The following SAMHD1 variants were observed in gnomAD, a reference collection of about 807,000 sequenced individuals.
SAMHD1 encodes deoxynucleoside triphosphate triphosphohydrolase SAMHD1.
Under a neutral mutation model 79.6 loss-of-function variants are expected in SAMHD1, and 54 were observed. That is an observed-to-expected ratio of 0.68 (90% CI 0.55 to 0.85). The LOEUF (loss-of-function observed/expected upper bound fraction) is 0.85. Among genes scored for constraint, SAMHD1 ranks in the 40% least tolerant of loss-of-function variants. The pLI, the probability that SAMHD1 is intolerant of heterozygous loss-of-function variation, is 0.00. For synonymous variants in SAMHD1, 260 were observed against 264.1 expected, an observed-to-expected ratio of 0.98 and a Z score of 0.15; for missense variants, 663 against 782.7, an observed-to-expected ratio of 0.85 and a Z score of 1.82.
At chr20:36,893,286 T>C (rs1990125300) in intron 15 of SAMHD1, 1 of 602,972 alleles carries the variant, frequency 1.7e-6, no homozygotes, top group Non-Finnish European at 2.9e-6. Context: ...AAACAGCCAC[T>C]GGCCTCTGCA....
chr20:36,923,415 C>T (rs1468384414), intron 6 of SAMHD1, among the ~76,000 whole-genome samples: 1 of 151,910 alleles, frequency 6.6e-6, no homozygotes, highest in African/African-American at 2.4e-5. Flanking sequence ...GGGCAAGACC[C>T]TCTCTCAAAA....
At chr20:36,946,255 T>C (rs1351961178) in intron 2 of SAMHD1, among the ~76,000 whole-genome samples, 1 of 151,282 alleles carries the variant, frequency 6.6e-6, no homozygotes, top group Non-Finnish European at 1.5e-5. Flanking sequence ...TACCAAAAAA[T>C]ACAAAAAAGT....
chr20:36,930,883 G>A lies in SAMHD1; in HGVS notation c.510-8C>T. ...CCTGCTAGATACCCCACCCTGCAGA[G>A]CAAAAACACAAAAAGTCACTTTTCT... On this transcript the variant is annotated splice_polypyrimidine_tract_variant and splice_region_variant and intron_variant, in intron 4 of 15. Coordinates refer to ENST00000646673, the MANE Select transcript of SAMHD1 (RefSeq NM_015474.4). 1.3e-6 allele frequency: 2 copies of A among 1,589,810 alleles called. No individual in the cohort carries two copies. The highest frequency in any genetic ancestry group is 1.1e-5 in the South Asian group (1 of 90,572).
chr20:36,945,781 C>T (rs2063681834), intron 2 of SAMHD1, among the ~76,000 whole-genome samples: 1 of 151,714 alleles, frequency 6.6e-6, no homozygotes, highest in South Asian at 2.1e-4. Flanking sequence ...CATGGTGGTG[C>T]ATGCCTGTAA....
chr20:36,946,990 C>G, intron 1 of SAMHD1, 186 bp from the exon 2 acceptor site: 1 of 453,836 alleles, frequency 2.2e-6, no homozygotes, highest in Non-Finnish European at 3.9e-6. Context: ...ATAACTAAAC[C>G]AAGAAGCATT....
At position 36,892,986 on chromosome 20, in the gene SAMHD1, G is replaced by C. The variant is rs1194588833; in HGVS notation, c.1827C>G (p.Arg609=). The C allele has an allele frequency of 2.5e-6, 4 of 1,614,054 alleles. No homozygotes were observed. Among genetic ancestry groups the C allele is most frequent in the Non-Finnish European group, 3.4e-6 (4 of 1,180,020 alleles). The stretch of plus-strand genomic sequence containing the variant: ...CTCTGCTTTTGGATGCTTCTCGGAG[G>C]CGAGTTGGATTTTGGACTGAAGTAC... ...NDSTSVQNPT[R]LREASKSRVQ... The change falls in exon 16 of 16, where the codon CGC becomes CGG. Residue 609 remains arginine, a synonymous_variant. Transcript: ENST00000646673.
chr20:36,898,030 T>A (rs1234205996), intron 14 of SAMHD1, 71 bp from the exon 15 acceptor site: 16 of 1,567,732 alleles, frequency 1.0e-5, no homozygotes, highest in Non-Finnish European at 1.2e-5. Context: ...GTCCCTAGGC[T>A]CCTAACTATT....
intron 13 of SAMHD1, among the ~76,000 whole-genome samples, chr20:36,900,734 CTT>C (rs777039974): frequency 4.9e-5 from 7 of 143,516 alleles, no homozygotes; most frequent in Admixed American, 7.0e-5. Flanking sequence ...GCCTGGCTCA[CTT>C]TTTTTTTTTT....
chr20:36,894,118 T>C (rs1990148425), intron 15 of SAMHD1: 1 of 395,922 alleles, frequency 2.5e-6, no homozygotes, highest in Admixed American at 4.4e-5. Flanking sequence ...TGAATCACTG[T>C]CCTCTATGCT....
chr20:36,896,207 C>G (rs1990195244), intron 15 of SAMHD1, among the ~76,000 whole-genome samples: 1 of 151,810 alleles, frequency 6.6e-6, no homozygotes, highest in South Asian at 2.1e-4. Context: ...CTCCTGACCT[C>G]GTGATCCGCC....
intron 15 of SAMHD1, chr20:36,893,783 C>T (rs1272225980): frequency 2.5e-6 from 1 of 397,482 alleles, no homozygotes; most frequent in Non-Finnish European, 4.4e-6. Flanking sequence ...TCGTGCTCCT[C>T]ATCTGCTTAT....
chr20:36,903,710 C>T (rs1278420594), intron 13 of SAMHD1, among the ~76,000 whole-genome samples: 4 of 151,900 alleles, frequency 2.6e-5, no homozygotes, highest in Non-Finnish European at 4.4e-5. Context: ...CCACCAAGCC[C>T]GGCTAATTTT....
intron 12 of SAMHD1, chr20:36,904,724 A>T (rs2063395529): frequency 5.7e-6 from 1 of 175,414 alleles, no homozygotes; most frequent in East Asian, 1.5e-4. Flanking sequence ...CTAAAAACAA[A>T]CAAACAAACA....
At chr20:36,897,723 C>T (rs568579682) in intron 15 of SAMHD1, 99 bp downstream of exon 15, 2 of 1,336,848 alleles carry the variant, frequency 1.5e-6, no homozygotes, top group Non-Finnish European at 1.1e-6. Context: ...AACCAAATGA[C>T]TATAACTTAA....
At chr20:36,917,244 GTA>G in intron 7 of SAMHD1, 195 bp from the exon 8 acceptor site, 1 of 595,698 alleles carries the variant, frequency 1.7e-6, no homozygotes, top group Non-Finnish European at 3.0e-6. Flanking sequence ...AAATGCTAAG[GTA>G]TATGATACCC....
In SAMHD1 at chr20:36,927,183, GTCCATTTCACC is replaced by G; in HGVS notation, c.684_694del (p.Glu228AspfsTer3). 6.2e-7 allele frequency: 1 copy of G among 1,610,894 alleles called. No homozygotes were observed. Among genetic ancestry groups the G allele is most frequent in the Non-Finnish European group, 8.5e-7 (1 of 1,177,224 alleles). On this transcript the variant is annotated frameshift_variant and splice_region_variant, in exon 6 of 16. Transcript: ENST00000646673. LOFTEE classifies it high-confidence loss of function. ...ACTATTGACTGTATGAATACATACC[GTCCATTTCACC>G]TCCGGGCGAGCAAGTGGAATAAATC...
intron 12 of SAMHD1, 22 bp from the exon 13 acceptor site, chr20:36,904,271 A>G: frequency 1.3e-6 from 2 of 1,508,232 alleles, no homozygotes; most frequent in Admixed American, 1.7e-5. Flanking sequence ...AAGACTCCCC[A>G]TGTTAGAATC....
intron 6 of SAMHD1, among the ~76,000 whole-genome samples, chr20:36,925,993 AT>A (rs1402256503): frequency 6.6e-6 from 1 of 152,140 alleles, no homozygotes; most frequent in East Asian, 1.9e-4. Context: ...ATGAAAATGT[AT>A]TTCTTTATTT....
At chr20:36,951,085 G>A (rs1369444321) in intron 1 of SAMHD1, among the ~76,000 whole-genome samples, 1 of 152,216 alleles carries the variant, frequency 6.6e-6, no homozygotes, top group Non-Finnish European at 1.5e-5. Context: ...CCACGAGAGT[G>A]AGATCCCAAT....
Sources: allele counts gnomAD v4.1 joint callset (sites outside exome capture counted in the v4.1 genomes callset), GRCh38; gene constraint gnomAD v4.1.1; transcripts MANE v1.5; gene names NCBI Gene and HGNC (gene_info 2026-07-23, HGNC 2026-07-21).